The following SRP19 variants were observed in gnomAD, a reference collection of about 807,000 sequenced individuals.
SRP19 encodes the protein signal recognition particle 19 kDa protein.
Under a neutral mutation model 22.4 loss-of-function variants are expected in SRP19, and 11 were observed. The observed-to-expected ratio is 0.49, with a 90% CI of 0.31 to 0.81. The LOEUF (loss-of-function observed/expected upper bound fraction) is 0.81, where lower values mean the gene tolerates loss of function less well. Among genes scored for constraint, SRP19 ranks in the 40% least tolerant of loss-of-function variants. The pLI, the probability that SRP19 is intolerant of heterozygous loss-of-function variation, is 0.05. For missense variants in SRP19, 168 were observed against 175.9 expected (o/e 0.96, Z 0.25); for synonymous variants, 61 against 57.6 (o/e 1.06, Z -0.27).
In SRP19 at chr5:112,867,865, T is replaced by C. The variant is rs977593231; in HGVS notation, c.*328T>C. ...ATTTCAATTAGATTTAAAATAAACA[T>C]TTTGTCCACCTTTTAAGTTAATGAA... On this transcript the variant is annotated 3_prime_UTR_variant, in exon 5 of 5. Coordinates refer to ENST00000505459, the MANE Select transcript of SRP19 (RefSeq NM_003135.3). 9.8e-7 allele frequency: 1 copy of C among 1,021,102 alleles called. No homozygotes were observed. Among genetic ancestry groups the C allele is most frequent in the African/African-American group, 1.7e-5 (1 of 58,828 alleles). The allele number at this position is 1,021,102 out of a possible 1,614,324, so 63.3% of individuals were successfully genotyped here. A position where few individuals can be genotyped will look rare whatever the true frequency, so the allele number is the denominator to read the frequency against.
downstream of SRP19, chr5:112,897,967 G>A (rs1768741533): frequency 6.6e-6 from 1 of 152,304 alleles, no homozygotes. Flanking sequence ...GCTGTGGCAG[G>A]AGAATCGCTG....
chr5:112,880,328 AT>A (rs1768030993), intron 4 of SRP19, among the ~76,000 whole-genome samples: 2 of 152,192 alleles, frequency 1.3e-5, no homozygotes, highest in Admixed American at 6.5e-5. Flanking sequence ...GTGGCAGGGA[AT>A]GTGCTATGAG....
intron 2 of SRP19, among the ~76,000 whole-genome samples, chr5:112,863,204 T>C (rs778615909): frequency 6.6e-5 from 10 of 152,224 alleles, no homozygotes; most frequent in Non-Finnish European, 1.2e-4. Context: ...ACCACCGTTA[T>C]GACTTCAACA....
At chr5:112,895,333 T>G (rs1212037694), downstream of SRP19, 1 of 151,988 alleles carries the variant, frequency 6.6e-6, no homozygotes, top group Non-Finnish European at 1.5e-5. Flanking sequence ...TGCAGAGTTT[T>G]AGGAAAGTCA....
intron 4 of SRP19, chr5:112,865,046 A>G (rs1767545193): frequency 1.0e-5 from 2 of 198,246 alleles, no homozygotes; most frequent in African/African-American, 4.7e-5. Context: ...GTTAATTGCC[A>G]TTTCAGATCC....
At chr5:112,872,184 A>G (rs1286554434), downstream of SRP19, among the ~76,000 whole-genome samples, 1 of 152,224 alleles carries the variant, frequency 6.6e-6, no homozygotes, top group East Asian at 1.9e-4. Context: ...TTCACAGCTC[A>G]GCCGTGTAGT....
At position 112,864,613 on chromosome 5, in the gene SRP19, T is replaced by A. The variant is rs541623905; in HGVS notation, c.190-8T>A. ...AGTCCTGTTTTTCTTTTGTTTCGTT[T>A]ATGTTAGAAAAATAAAATGTACTCT... is the stretch of plus-strand genomic sequence containing the variant. On this transcript the variant is annotated splice_region_variant and splice_polypyrimidine_tract_variant and intron_variant, in intron 3 of 4. Coordinates refer to ENST00000505459, the MANE Select transcript of SRP19 (RefSeq NM_003135.3). 1 of 1,613,440 alleles carries A rather than the reference T, an allele frequency of 6.2e-7. No individual in the cohort carries two copies. Among genetic ancestry groups the A allele is most frequent in the South Asian group, 1.1e-5 (1 of 91,022 alleles).
At chr5:112,862,764 C>G (rs149333359) in intron 2 of SRP19, among the ~76,000 whole-genome samples, 181 bp downstream of exon 2, 1 of 152,144 alleles carries the variant, frequency 6.6e-6, no homozygotes, top group Non-Finnish European at 1.5e-5. Context: ...GGCATTAATT[C>G]ATAGCTGAAG....
In SRP19 at chr5:112,868,558, A is replaced by T. The variant is rs938118114; in HGVS notation, c.*1021A>T. The T allele has an allele frequency of 5.1e-6, 1 of 196,982 alleles. No individual in the cohort carries two copies. The highest frequency in any genetic ancestry group is 9.2e-6 in the Non-Finnish European group (1 of 109,090). 12.2% of individuals were successfully genotyped at this position (196,982 alleles called of 1,614,324 possible). On this transcript the variant is annotated 3_prime_UTR_variant, in exon 5 of 5. Coordinates refer to ENST00000505459, the MANE Select transcript of SRP19 (RefSeq NM_003135.3). ...TGGGATTACAGGCATGTGCCACCAC[A>T]CCCGGCTAATTTTGTATTTTTAGTA...
At chr5:112,880,374 G>C (rs939468314) in intron 4 of SRP19, among the ~76,000 whole-genome samples, 2 of 152,200 alleles carry the variant, frequency 1.3e-5, no homozygotes, top group African/African-American at 2.4e-5. Context: ...GGGGAAAGGG[G>C]TTGTCTAGAA....
chr5:112,892,765 G>A (rs779376730), exon 5 of SRP19: 10 of 1,613,884 alleles, frequency 6.2e-6, no homozygotes, highest in Middle Eastern at 1.6e-4. Context: ...GGGCCACCAC[G>A]ACCACTACTA....
At chr5:112,865,515 TTCAGTTTAATAACCCCC>T (rs1451147560) in intron 4 of SRP19, among the ~76,000 whole-genome samples, 1 of 152,258 alleles carries the variant, frequency 6.6e-6, no homozygotes, top group Non-Finnish European at 1.5e-5. Context: ...AATTTTTTCT[TTCAGTTTAATAACCCCC>T]TCAGTTTAAT....
In SRP19 at chr5:112,861,404, G is replaced by T. The variant is rs768531224; in HGVS notation, c.28G>T (p.Ala10Ser). 5 of 1,614,126 alleles carry T rather than the reference G, an allele frequency of 3.1e-6. No individual in the cohort carries two copies. The highest frequency in any genetic ancestry group is 4.2e-6 in the Non-Finnish European group (5 of 1,180,044). Residue 10 changes from alanine (A) to serine (S), a missense_variant, in exon 1 of 5, where the codon GCC (alanine) becomes TCC (serine). By Grantham distance (99) the Ala-to-Ser change is moderately conservative. Transcript: ENST00000505459. Reference protein sequence around the residue: MACAAARSPADQDRFICIYP... With the variant: MACAAARSPSDQDRFICIYP... ...GGCTTGCGCTGCCGCGCGGTCCCCGGCCGACCAGGACAGGTGGGTTCTGAG... is the reference window on the plus strand; with the variant it reads ...GGCTTGCGCTGCCGCGCGGTCCCCGTCCGACCAGGACAGGTGGGTTCTGAG...
At chr5:112,883,633 T>C (rs1768143343) in intron 4 of SRP19, among the ~76,000 whole-genome samples, 1 of 152,216 alleles carries the variant, frequency 6.6e-6, no homozygotes, top group Non-Finnish European at 1.5e-5. Flanking sequence ...ATGTATAAGC[T>C]TGTGGCCCCC....
intron 4 of SRP19, among the ~76,000 whole-genome samples, chr5:112,889,483 T>C (rs750149848): frequency 1.3e-5 from 2 of 150,866 alleles, no homozygotes; most frequent in Non-Finnish European, 2.9e-5. Context: ...TCACCAAGAA[T>C]ATTAAAATTC....
intron 4 of SRP19, chr5:112,885,155 G>T: frequency 5.9e-6 from 1 of 170,146 alleles, no homozygotes; most frequent in Admixed American, 6.4e-5. Flanking sequence ...GCTAGGCCCT[G>T]CTGCTCATGG....
At chr5:112,864,875 A>G in intron 4 of SRP19, 143 bp downstream of exon 4, 2 of 533,856 alleles carry the variant, frequency 3.7e-6, no homozygotes, top group Non-Finnish European at 6.5e-6. Flanking sequence ...TCATGGAGAG[A>G]AGCAGTAGTT....
At chr5:112,890,058 C>T (rs1227892897) in intron 4 of SRP19, among the ~76,000 whole-genome samples, 1 of 150,324 alleles carries the variant, frequency 6.7e-6, no homozygotes, top group Admixed American at 6.6e-5. Context: ...AACTCCTGAC[C>T]TCAAATGATC....
intron 4 of SRP19, among the ~76,000 whole-genome samples, chr5:112,879,246 ATATT>A (rs1267301595): frequency 6.8e-6 from 1 of 146,632 alleles, no homozygotes; most frequent in Non-Finnish European, 1.5e-5. Context: ...CTAGGTCATC[ATATT>A]TATCCCATGG....
Sources: gnomAD v4.1 joint callset for allele counts (sites outside exome capture counted in the v4.1 genomes callset) on GRCh38, gnomAD v4.1.1 for gene constraint, MANE v1.5 for transcripts, NCBI Gene and HGNC (gene_info 2026-07-23, HGNC 2026-07-21) for gene names.